DLG2: variants seen among roughly 807,000 people sequenced by gnomAD.
DLG2 encodes disks large homolog 2.
Under a neutral mutation model 132.5 loss-of-function variants are expected in DLG2, and 45 were observed. The observed-to-expected ratio is 0.34, with a 90% CI of 0.27 to 0.44. DLG2 has a LOEUF of 0.44. Ranked by LOEUF, DLG2 falls within the 20% of genes least tolerant of loss-of-function variation. The probability of loss-of-function intolerance (pLI) is 1.00; values close to 1 mark genes in which losing one functional copy is unlikely to be tolerated. For synonymous variants in DLG2, 424 were observed against 419.6 expected, an observed-to-expected ratio of 1.01 and a Z score of -0.13; for missense variants, 1,045 against 1,196.9, an observed-to-expected ratio of 0.87 and a Z score of 1.87.
chr11:83,934,124 T>C (rs2080950538), intron 14 of DLG2, among the ~76,000 whole-genome samples: 1 of 152,228 alleles, frequency 6.6e-6, no homozygotes, highest in African/African-American at 2.4e-5. Context: ...ATGACATTAG[T>C]TGTCAATCAG....
At chr11:84,646,798 A>G (rs1233517659) in intron 6 of DLG2, among the ~76,000 whole-genome samples, 1 of 152,160 alleles carries the variant, frequency 6.6e-6, no homozygotes, top group Non-Finnish European at 1.5e-5. Flanking sequence ...AGAATCATCA[A>G]ACCTTTACTG....
intron 4 of DLG2, among the ~76,000 whole-genome samples, chr11:85,205,414 C>A (rs982027542): frequency 6.6e-6 from 1 of 151,742 alleles, no homozygotes; most frequent in Non-Finnish European, 1.5e-5. Context: ...TGAAGAGAAG[C>A]TGGTAAATAG....
Position 85,265,236 on chromosome 11 carries a change from G to A in DLG2, c.186+19984C>T, listed in dbSNP as rs113071857. On this transcript the variant is annotated intron_variant, in intron 4 of 27. Coordinates refer to ENST00000376104, the MANE Select transcript of DLG2 (RefSeq NM_001142699.3). The stretch of plus-strand genomic sequence containing the variant: ...TATCTGCATGACCCCACTGAACTAG[G>A]AGCTTCTTAAAAACAGACACTGTCA... 6.9e-3 allele frequency among the ~76,000 whole-genome samples: 1,049 copies of A among 152,172 alleles called. 17 individuals carry two copies. The highest frequency in any genetic ancestry group is 0.024 in the African/African-American group (1,003 of 41,522).
intron 22 of DLG2, among the ~76,000 whole-genome samples, chr11:83,475,931 T>A (rs892066290): frequency 6.6e-6 from 1 of 152,036 alleles, no homozygotes; most frequent in African/African-American, 2.4e-5. Flanking sequence ...AGCACAGAGC[T>A]GTGTGTGGAT....
intron 3 of DLG2, among the ~76,000 whole-genome samples, chr11:85,540,955 A>T (rs1238664213): frequency 6.6e-6 from 1 of 152,010 alleles, no homozygotes; most frequent in African/African-American, 2.4e-5. Context: ...TTTTGTTACC[A>T]CCCTCTTTTC....
At chr11:84,816,589 T>G (rs1165866850) in intron 6 of DLG2, among the ~76,000 whole-genome samples, 1 of 151,958 alleles carries the variant, frequency 6.6e-6, no homozygotes, top group South Asian at 2.1e-4. Context: ...ACTATGTACC[T>G]TATATACAGA....
rs1309626841 is a variant in DLG2, at chr11:85,421,433, A to T, written c.41-136068T>A. Among the ~76,000 whole-genome samples the T allele has an allele frequency of 1.5e-4, 22 of 149,486 alleles. 1 individual carries two copies. Among genetic ancestry groups the T allele is most frequent in the African/African-American group, 4.2e-4 (17 of 40,698 alleles). ...CCATCCCTCCCCCTTTTTTTTTTTT[A>T]ACTGCTGTTGCTTTGAAGTTTGTTT... On this transcript the variant is annotated intron_variant, in intron 3 of 27. Transcript: ENST00000376104.
intron 3 of DLG2, among the ~76,000 whole-genome samples, chr11:85,575,982 A>G (rs2078134274): frequency 6.6e-6 from 1 of 152,208 alleles, no homozygotes; most frequent in Non-Finnish European, 1.5e-5. Flanking sequence ...AGAAAAATAT[A>G]ATGAATAATT....
At chr11:84,402,235 C>T (rs2098831962) in intron 7 of DLG2, among the ~76,000 whole-genome samples, 1 of 152,100 alleles carries the variant, frequency 6.6e-6, no homozygotes, top group Non-Finnish European at 1.5e-5. Context: ...GTTAGCCTAA[C>T]CAGTAGGCTA....
At chr11:84,270,162 G>C (rs2097701115) in intron 7 of DLG2, among the ~76,000 whole-genome samples, 1 of 152,206 alleles carries the variant, frequency 6.6e-6, no homozygotes, top group Non-Finnish European at 1.5e-5. Context: ...TGACTGCCTA[G>C]AAGAATGTCC....
chr11:83,744,788 G>A (rs2092783313), intron 18 of DLG2, among the ~76,000 whole-genome samples: 1 of 152,150 alleles, frequency 6.6e-6, no homozygotes, highest in Non-Finnish European at 1.5e-5. Flanking sequence ...CAAGGCTTTG[G>A]TATAAACAAG....
chr11:85,460,515 T>G (rs2092572457), intron 3 of DLG2, among the ~76,000 whole-genome samples: 1 of 152,210 alleles, frequency 6.6e-6, no homozygotes. Flanking sequence ...TTGTCCTGTC[T>G]CACTTTGCTC....
At chr11:83,721,461 G>A (rs556064970) in intron 18 of DLG2, among the ~76,000 whole-genome samples, 1 of 152,200 alleles carries the variant, frequency 6.6e-6, no homozygotes, top group South Asian at 2.1e-4. Flanking sequence ...TAACACATGC[G>A]CATCATCATC....
intron 4 of DLG2, among the ~76,000 whole-genome samples, chr11:85,256,338 G>A (rs140428112): frequency 2.6e-4 from 40 of 152,198 alleles, no homozygotes; most frequent in East Asian, 1.7e-3. Flanking sequence ...ATCATCTTCC[G>A]ACTCCATCTG....
intron 10 of DLG2, among the ~76,000 whole-genome samples, chr11:84,093,668 G>C (rs1408458156): frequency 6.6e-5 from 10 of 152,030 alleles, no homozygotes. Flanking sequence ...AGGCTGGAGT[G>C]CAGTGGTACG....
intron 3 of DLG2, among the ~76,000 whole-genome samples, chr11:85,539,929 C>CTAGAG (rs1203473620): frequency 3.9e-5 from 6 of 152,184 alleles, no homozygotes; most frequent in Non-Finnish European, 7.3e-5. Context: ...ATACTCAACC[C>CTAGAG]TAGAGGTCAC....
chr11:84,902,566 G>A (rs370069423), intron 6 of DLG2, among the ~76,000 whole-genome samples: 5 of 152,232 alleles, frequency 3.3e-5, no homozygotes, highest in South Asian at 2.1e-4. Flanking sequence ...GGTTCTGTCC[G>A]TAGCTATTCT....
chr11:84,475,248 T>C (rs998359314), intron 7 of DLG2, among the ~76,000 whole-genome samples: 3 of 152,128 alleles, frequency 2.0e-5, no homozygotes, highest in African/African-American at 7.2e-5. Context: ...AAAAAAAATA[T>C]TACAACACAT....
intron 6 of DLG2, among the ~76,000 whole-genome samples, chr11:85,081,838 G>C (rs957699218): frequency 6.6e-6 from 1 of 152,092 alleles, no homozygotes; most frequent in Non-Finnish European, 1.5e-5. Flanking sequence ...GTATACAGCT[G>C]TCTATAAAGA....
Sources: allele counts gnomAD v4.1 joint callset (sites outside exome capture counted in the v4.1 genomes callset), GRCh38; gene constraint gnomAD v4.1.1; transcripts MANE v1.5; gene names NCBI Gene and HGNC (gene_info 2026-07-23, HGNC 2026-07-21).